LINGO2: variants seen among roughly 807,000 people sequenced by gnomAD.
LINGO2 encodes the protein leucine-rich repeat and immunoglobulin-like domain-containing nogo receptor-interacting protein 2.
LINGO2 carries 14 observed loss-of-function variants against 30.6 expected under a neutral mutation model. That is an observed-to-expected ratio of 0.46 (90% CI 0.30 to 0.72). The LOEUF is 0.72. Among genes scored for constraint, LINGO2 ranks in the 30% least tolerant of loss-of-function variants. The pLI, the probability that LINGO2 is intolerant of heterozygous loss-of-function variation, is 0.07. For missense variants in LINGO2, 729 were observed against 751.7 expected, an observed-to-expected ratio of 0.97 and a Z score of 0.35; for synonymous variants, 317 against 288.5, an observed-to-expected ratio of 1.10 and a Z score of -1.00.
chr9:29,133,870 G>A, the LINGO2 span, among the ~76,000 whole-genome samples: 32 of 152,132 alleles, frequency 2.1e-4, no homozygotes, highest in East Asian at 1.7e-3. Context: ...ATTTGGTCAC[G>A]CTATACAATG....
At chr9:28,368,734 C>T (rs1308975696) in intron 3 of LINGO2, among the ~76,000 whole-genome samples, 3 of 151,944 alleles carry the variant, frequency 2.0e-5, no homozygotes, top group African/African-American at 7.2e-5. Context: ...GTAGCTGGGA[C>T]TACAGGCGCC....
the LINGO2 span, among the ~76,000 whole-genome samples, chr9:29,101,877 T>C: frequency 6.6e-5 from 10 of 152,244 alleles, no homozygotes; most frequent in African/African-American, 2.4e-4. Flanking sequence ...AATGTGGGAG[T>C]GCAGCCTGGC....
chr9:28,678,304 G>A, the LINGO2 span, among the ~76,000 whole-genome samples: 1,812 of 152,018 alleles, frequency 0.012, 39 homozygotes, highest in African/African-American at 0.042. Context: ...GCCCTTACAT[G>A]GGCTGTTGGC....
chr9:28,611,807 ATTTTAT>A (rs2135787550), intron 1 of LINGO2, among the ~76,000 whole-genome samples: 1 of 140,030 alleles, frequency 7.1e-6, no homozygotes, highest in African/African-American at 3.2e-5. Flanking sequence ...TTATGTATTT[ATTTTAT>A]TTTATTTATT....
intron 1 of LINGO2, among the ~76,000 whole-genome samples, chr9:28,661,887 A>G (rs1828598892): frequency 6.6e-6 from 1 of 152,184 alleles, no homozygotes; most frequent in African/African-American, 2.4e-5. Flanking sequence ...GAACAAGAGA[A>G]CAGGGGTGGC....
chr9:28,648,472 C>T (rs1355055454), intron 1 of LINGO2, among the ~76,000 whole-genome samples: 1 of 152,032 alleles, frequency 6.6e-6, no homozygotes, highest in Non-Finnish European at 1.5e-5. Flanking sequence ...ATCCAGTGAA[C>T]CTAATGAAAA....
chr9:28,693,240 T>C, the LINGO2 span, among the ~76,000 whole-genome samples: 6 of 152,238 alleles, frequency 3.9e-5, no homozygotes, highest in Admixed American at 1.3e-4. Flanking sequence ...TATTGAGACA[T>C]TTTAAACATA....
At chr9:28,702,467 A>C in the LINGO2 span, among the ~76,000 whole-genome samples, 1 of 151,820 alleles carries the variant, frequency 6.6e-6, no homozygotes, top group Non-Finnish European at 1.5e-5. Context: ...AATCCCACTC[A>C]CATACCTGGA....
chr9:28,101,434 A>G, intron 4 of LINGO2, among the ~76,000 whole-genome samples: 1 of 152,194 alleles, frequency 6.6e-6, no homozygotes, highest in East Asian at 1.9e-4. Context: ...AGGTCACTTC[A>G]AGGCTATTGC....
chr9:28,782,682 A>T, the LINGO2 span, among the ~76,000 whole-genome samples: 1 of 152,226 alleles, frequency 6.6e-6, no homozygotes, highest in East Asian at 1.9e-4. Context: ...ACAGTGAAGA[A>T]TTTGTTACTT....
chr9:28,124,970 A>T (rs1225990523), intron 4 of LINGO2, among the ~76,000 whole-genome samples: 1 of 152,258 alleles, frequency 6.6e-6, no homozygotes, highest in Non-Finnish European at 1.5e-5. Flanking sequence ...CTAAACACAT[A>T]GAATGAGATA....
chr9:28,938,757 T>C, the LINGO2 span, among the ~76,000 whole-genome samples: 134 of 152,308 alleles, frequency 8.8e-4, no homozygotes, highest in Non-Finnish European at 1.7e-3. Flanking sequence ...CTATGATGTT[T>C]GCACAATGAT....
intron 1 of LINGO2, among the ~76,000 whole-genome samples, chr9:28,647,586 A>T (rs893510936): frequency 6.6e-6 from 1 of 152,112 alleles, no homozygotes; most frequent in African/African-American, 2.4e-5. Flanking sequence ...TATACTTATT[A>T]AAAAGAATGT....
intron 4 of LINGO2, among the ~76,000 whole-genome samples, chr9:28,243,469 A>AGAAGAAG (rs1554691899): frequency 2.8e-5 from 4 of 145,160 alleles, no homozygotes; most frequent in African/African-American, 7.8e-5. Flanking sequence ...AAAAATAAAA[A>AGAAGAAG]AAGAAGAAGA....
At chr9:28,731,406 A>T in the LINGO2 span, among the ~76,000 whole-genome samples, 1 of 152,170 alleles carries the variant, frequency 6.6e-6, no homozygotes, top group African/African-American at 2.4e-5. Context: ...AACTTGGTTG[A>T]ATCTCCAGGA....
chr9:28,260,823 T>G (rs1409712557), intron 4 of LINGO2, among the ~76,000 whole-genome samples: 1 of 151,962 alleles, frequency 6.6e-6, no homozygotes, highest in Non-Finnish European at 1.5e-5. Flanking sequence ...TGACACTTTC[T>G]CTGCAATGTG....
At chr9:28,909,243 G>A in the LINGO2 span, among the ~76,000 whole-genome samples, 2 of 151,576 alleles carry the variant, frequency 1.3e-5, no homozygotes, top group Non-Finnish European at 2.9e-5. Flanking sequence ...GACAAATGTT[G>A]CTTGCATGTA....
At chr9:28,798,311 C>T in the LINGO2 span, among the ~76,000 whole-genome samples, 1 of 151,688 alleles carries the variant, frequency 6.6e-6, no homozygotes, top group Non-Finnish European at 1.5e-5. Context: ...AAAGAGGAAA[C>T]ATCTGCTGAA....
chr9:28,340,117 C>G (rs1825719874), intron 3 of LINGO2, among the ~76,000 whole-genome samples: 3 of 152,142 alleles, frequency 2.0e-5, no homozygotes, highest in Admixed American at 2.0e-4. Flanking sequence ...GTGAAGAGCA[C>G]AAATTCTGTT....
Sources: allele counts gnomAD v4.1 joint callset (sites outside exome capture counted in the v4.1 genomes callset), GRCh38; gene constraint gnomAD v4.1.1; transcripts MANE v1.5; gene names NCBI Gene and HGNC (gene_info 2026-07-23, HGNC 2026-07-21).